Variants in BAG5 observed in about 807,000 individuals in gnomAD.
BAG5 encodes BAG family molecular chaperone regulator 5.
Under a neutral mutation model 31.8 loss-of-function variants are expected in BAG5, and 25 were observed. The ratio of observed to expected loss-of-function variants is 0.79; its 90% confidence interval spans 0.57 to 1.10. BAG5 has a LOEUF of 1.10. Among genes scored for constraint, BAG5 ranks in the 50% least tolerant of loss-of-function variants. The pLI, the probability that BAG5 is intolerant of heterozygous loss-of-function variation, is 0.00. For synonymous variants in BAG5, 208 were observed against 205.0 expected, an observed-to-expected ratio of 1.01 and a Z score of -0.13; for missense variants, 491 against 527.9, an observed-to-expected ratio of 0.93 and a Z score of 0.68.
At chr14:103,561,913 C>T (rs530834640) in intron 1 of BAG5, 6 of 1,603,910 alleles carry the variant, frequency 3.7e-6, no homozygotes, top group Admixed American at 1.7e-5. Flanking sequence ...ATTCACTCGC[C>T]TCCCACTGGG....
At position 103,556,574 on chromosome 14, in the gene BAG5, GTT is replaced by G. The variant is rs2076040361; in HGVS notation, c.*3245_*3246del. 6.6e-6 allele frequency: 1 copy of G among 152,040 alleles called. No individual in the cohort carries two copies. The highest frequency in any genetic ancestry group is 2.4e-5 in the African/African-American group (1 of 41,404). The allele number at this position is 152,040 out of a possible 1,614,324, so 9.4% of individuals were successfully genotyped here. ...TCTCCACTGCAAGCGTAAGAGACTG[GTT>G]TTATTTCAAGAATAACTAAGGGTAT... On this transcript the variant is annotated 3_prime_UTR_variant, in exon 2 of 2. Coordinates refer to ENST00000299204, the MANE Select transcript of BAG5 (RefSeq NM_001015048.3).
chr14:103,558,671 G>A lies in BAG5; in HGVS notation c.*1150C>T, dbSNP rs1414310202. ...ATGACATGAGCTCAGTTGTTCAGCA[G>A]GCACCCAGAGGAAGCCTTTAATTCC... On this transcript the variant is annotated 3_prime_UTR_variant, in exon 2 of 2. Transcript: ENST00000299204. The A allele has an allele frequency of 6.6e-6, 1 of 152,222 alleles. No individual in the cohort carries two copies. Among genetic ancestry groups the A allele is most frequent in the Non-Finnish European group, 1.5e-5 (1 of 68,052 alleles). 9.4% of individuals were successfully genotyped at this position (152,222 alleles called of 1,614,324 possible).
Position 103,558,563 on chromosome 14 carries a change from T to C in BAG5, c.*1258A>G, listed in dbSNP as rs940329394. The C allele has an allele frequency of 6.6e-6, 1 of 152,232 alleles. No homozygotes were observed. The highest frequency in any genetic ancestry group is 6.5e-5 in the Admixed American group (1 of 15,276). 9.4% of individuals were successfully genotyped at this position (152,232 alleles called of 1,614,324 possible). ...GATCCTCAGAAAGCATTTATGGAAA[T>C]ACACATCCTTTAGAAGAGAGATGCT... On this transcript the variant is annotated 3_prime_UTR_variant, in exon 2 of 2. Transcript: ENST00000299204.
In BAG5 at chr14:103,559,702, C is replaced by T. The variant is rs567721916; in HGVS notation, c.*119G>A. The stretch of plus-strand genomic sequence containing the variant: ...AGCAGCAGATACTGAATAGAATTTG[C>T]TTCAATCATAAATACTGAGACTGAA... On this transcript the variant is annotated 3_prime_UTR_variant, in exon 2 of 2. Transcript: ENST00000299204. 82 of 1,263,338 alleles carry T rather than the reference C, an allele frequency of 6.5e-5. No homozygotes were observed. The highest frequency in any genetic ancestry group is 8.9e-5 in the Non-Finnish European group (82 of 922,152). The allele number at this position is 1,263,338 out of a possible 1,614,324, so 78.3% of individuals were successfully genotyped here.
At chr14:103,561,658 C>T (rs34896432) in intron 1 of BAG5, 118,545 of 481,540 alleles carry the variant, frequency 0.25, 15,965 homozygotes, top group East Asian at 0.3. Context: ...CCAAGGTCCC[C>T]GCTTCTTCGT....
chr14:103,562,505 A>C, intron 1 of BAG5, 111 bp downstream of exon 1: 1 of 163,016 alleles, frequency 6.1e-6, no homozygotes, highest in Non-Finnish European at 1.3e-5. Context: ...GACAGGCCGC[A>C]CGGGGCTGGG....
chr14:103,558,699 G>A lies in BAG5; in HGVS notation c.*1122C>T, dbSNP rs998799511. 6.6e-6 allele frequency: 1 copy of A among 152,230 alleles called. No homozygotes were observed. The highest frequency in any genetic ancestry group is 1.5e-5 in the Non-Finnish European group (1 of 68,058). The allele number at this position is 152,230 out of a possible 1,614,324, so 9.4% of individuals were successfully genotyped here. ...ACCCAGAGGAAGCCTTTAATTCCGA[G>A]CAGGTTTCACTGATTGGTCCTGGAG... is the stretch of plus-strand genomic sequence containing the variant. On this transcript the variant is annotated 3_prime_UTR_variant, in exon 2 of 2. Transcript: ENST00000299204.
chr14:103,561,001 G>A lies in BAG5; in HGVS notation c.164C>T (p.Ser55Phe). Residue 55 changes from serine to phenylalanine, a missense_variant, in exon 2 of 2, where the codon TCT (serine) becomes TTT (phenylalanine). Transcript: ENST00000299204. ...ATCTCCTTTTCCTTCAGTATCTACAGAGTCTATTTCAAAAAGCTGTTTTGT... is the reference window on the plus strand; with the variant it reads ...ATCTCCTTTTCCTTCAGTATCTACAAAGTCTATTTCAAAAAGCTGTTTTGT... ...ILTKQLFEID[S>F]VDTEGKGDIQ... 6.2e-7 allele frequency: 1 copy of A among 1,613,890 alleles called. No individual in the cohort carries two copies. Among genetic ancestry groups the A allele is most frequent in the Non-Finnish European group, 8.5e-7 (1 of 1,179,826 alleles).
chr14:103,559,901 C>G lies in BAG5; in HGVS notation c.1264G>C (p.Ala422Pro). ...VDPQGEEKCK[A>P]ARKQAVRLAQ... The stretch of plus-strand genomic sequence containing the variant: ...AGCCTCACAGCTTGTTTCCTGGCAG[C>G]CTTACACTTCTCTTCTCCCTGCGGA... The change falls in exon 2 of 2, where the codon GCT becomes CCT. Residue 422 changes from alanine (A) to proline (P), a missense_variant. Coordinates refer to ENST00000299204, the MANE Select transcript of BAG5 (RefSeq NM_001015048.3). 7.4e-6 allele frequency: 12 copies of G among 1,614,240 alleles called. No homozygotes were observed. Among genetic ancestry groups the G allele is most frequent in the Middle Eastern group, 1.6e-4 (1 of 6,062 alleles).
chr14:103,562,492 T>TC (rs1190965261), intron 1 of BAG5, 124 bp downstream of exon 1: 1 of 165,188 alleles, frequency 6.1e-6, no homozygotes, highest in African/African-American at 2.4e-5. Flanking sequence ...CCCTGCCTGA[T>TC]CCGACAGGCC....
rs2076045261 is a variant in BAG5 at position 103,557,463 on chromosome 14, C to G, written c.*2358G>C. On this transcript the variant is annotated 3_prime_UTR_variant, in exon 2 of 2. Transcript: ENST00000299204. ...ACAATTCAAAATGACGGTGGAAGAGCTGAGCACCCTGTACTCACACACGAT... is the reference window on the plus strand; with the variant it reads ...ACAATTCAAAATGACGGTGGAAGAGGTGAGCACCCTGTACTCACACACGAT... 6.6e-6 allele frequency: 1 copy of G among 152,174 alleles called. No homozygotes were observed. The highest frequency in any genetic ancestry group is 2.4e-5 in the African/African-American group (1 of 41,428). The allele number at this position is 152,174 out of a possible 1,614,324, so 9.4% of individuals were successfully genotyped here.
In BAG5 at chr14:103,560,176, T is replaced by C. The variant is rs1476481990; in HGVS notation, c.989A>G (p.Glu330Gly). Residue 330 changes from glutamate to glycine, a missense_variant, in exon 2 of 2, where the codon GAA becomes GGA. Coordinates refer to ENST00000299204, the MANE Select transcript of BAG5 (RefSeq NM_001015048.3). ...VSLEKNPCIREARRRAVIEVQ... is the reference protein window; with the variant it reads ...VSLEKNPCIRGARRRAVIEVQ... ...CTCGATCACTGCTCTTCTCCTGGCT[T>C]CCCGGATGCAGGGGTTTTTTTCAAG... is the stretch of plus-strand genomic sequence containing the variant. 5 of 1,614,044 alleles carry C rather than the reference T, an allele frequency of 3.1e-6. No homozygotes were observed. The highest frequency in any genetic ancestry group is 4.2e-6 in the Non-Finnish European group (5 of 1,180,032).
At position 103,560,246 on chromosome 14, in the gene BAG5, T is replaced by A; in HGVS notation, c.919A>T (p.Lys307Ter). ...CCAATTAAACCCTGCAATTCTGTTT[T>A]GGAGCTCAGGTACAATTCAGAAGGG... ...QNPSELYLSS[K>*]TELQGLIGQL... The change falls in exon 2 of 2, where the codon AAA becomes TAA. Residue 307 changes from lysine (K) to a stop codon, truncating the protein, a stop_gained. Transcript: ENST00000299204. LOFTEE classifies it high-confidence loss of function. 1 of 1,614,224 alleles carries A rather than the reference T, an allele frequency of 6.2e-7. No homozygotes were observed. Among genetic ancestry groups the A allele is most frequent in the Non-Finnish European group, 8.5e-7 (1 of 1,180,040 alleles).
rs1187451112 is a variant in BAG5 at position 103,559,167 on chromosome 14, G to A, written c.*654C>T. ...TTTAATGCAATCTCAAAGGTTTTTTGGCTATTAGTTTTCATAATTTTCTTA... is the reference window on the plus strand; with the variant it reads ...TTTAATGCAATCTCAAAGGTTTTTTAGCTATTAGTTTTCATAATTTTCTTA... On this transcript the variant is annotated 3_prime_UTR_variant, in exon 2 of 2. Coordinates refer to ENST00000299204, the MANE Select transcript of BAG5 (RefSeq NM_001015048.3). 6.6e-6 allele frequency: 1 copy of A among 151,922 alleles called. No individual in the cohort carries two copies. The highest frequency in any genetic ancestry group is 6.6e-5 in the Admixed American group (1 of 15,234). The allele number at this position is 151,922 out of a possible 1,614,324, so 9.4% of individuals were successfully genotyped here.
Position 103,560,368 on chromosome 14 carries a change from T to A in BAG5, c.797A>T (p.Lys266Ile). Residue 266 changes from lysine to isoleucine, a missense_variant, in exon 2 of 2, where the codon AAA becomes ATA. Physicochemically the swap from Lys to Ile is moderately radical, Grantham distance 102. Coordinates refer to ENST00000299204, the MANE Select transcript of BAG5 (RefSeq NM_001015048.3). ...LDLEEEADTT[K>I]AFDLRQNHSI... The stretch of plus-strand genomic sequence containing the variant: ...ATGATTCTGTCTCAGGTCAAATGCT[T>A]TAGTTGTGTCTGCTTCCTCTTCCAA... 2 of 1,614,180 alleles carry A rather than the reference T, an allele frequency of 1.2e-6. No homozygotes were observed. The highest frequency in any genetic ancestry group is 2.7e-5 in the African/African-American group (2 of 75,042).
At chr14:103,561,864 A>AT in intron 1 of BAG5, 1 of 1,471,292 alleles carries the variant, frequency 6.8e-7, no homozygotes. Flanking sequence ...TCTCTCAAAA[A>AT]AAAACAACCC....
rs972060145 is a variant in BAG5, at chr14:103,559,518, C to A, written c.*303G>T. The A allele has an allele frequency of 3.4e-6, 1 of 293,514 alleles. No homozygotes were observed. The highest frequency in any genetic ancestry group is 6.4e-6 in the Non-Finnish European group (1 of 155,414). 18.2% of individuals were successfully genotyped at this position (293,514 alleles called of 1,614,324 possible). A position where few individuals can be genotyped will look rare whatever the true frequency, so the allele number is the denominator to read the frequency against. On this transcript the variant is annotated 3_prime_UTR_variant, in exon 2 of 2. Coordinates refer to ENST00000299204, the MANE Select transcript of BAG5 (RefSeq NM_001015048.3). Reference sequence around the variant, plus strand: ...TGAAAGACCTGCATTTTAATGCTTGCACAACCCATTTAAAATCTACAAAAG... The same window carrying A: ...TGAAAGACCTGCATTTTAATGCTTGAACAACCCATTTAAAATCTACAAAAG...
At position 103,559,975 on chromosome 14, in the gene BAG5, C is replaced by T. The variant is rs753087092; in HGVS notation, c.1190G>A (p.Arg397Gln). Residue 397 changes from arginine to glutamine, a missense_variant, in exon 2 of 2, where the codon CGG becomes CAG. Arg to Gln is a conservative substitution (Grantham distance 43). Coordinates refer to ENST00000299204, the MANE Select transcript of BAG5 (RefSeq NM_001015048.3). ...DGNRTDKNYI[R>Q]LEELLTKQLL... ...CTGCTTGGTGAGCAGCTCTTCCAGCCGGATGTAGTTCTTATCGGTTCGATT... is the reference window on the plus strand; with the variant it reads ...CTGCTTGGTGAGCAGCTCTTCCAGCTGGATGTAGTTCTTATCGGTTCGATT... The T allele has an allele frequency of 1.2e-6, 2 of 1,614,084 alleles. No homozygotes were observed. The highest frequency in any genetic ancestry group is 1.7e-5 in the Admixed American group (1 of 60,006).
At position 103,556,778 on chromosome 14, in the gene BAG5, A is replaced by C. The variant is rs2142256810; in HGVS notation, c.*3043T>G. 2 of 152,214 alleles carry C rather than the reference A, an allele frequency of 1.3e-5. No homozygotes were observed. Among genetic ancestry groups the C allele is most frequent in the African/African-American group, 4.8e-5 (2 of 41,506 alleles). The allele number at this position is 152,214 out of a possible 1,614,324, so 9.4% of individuals were successfully genotyped here. A position where few individuals can be genotyped will look rare whatever the true frequency, so the allele number is the denominator to read the frequency against. On this transcript the variant is annotated 3_prime_UTR_variant, in exon 2 of 2. Transcript: ENST00000299204. Reference sequence around the variant, plus strand: ...AGAGAAAAATACCCAACAAATTAAAAGGTGAAAAGCTGTGCTCAAAAAAAA... The same window carrying C: ...AGAGAAAAATACCCAACAAATTAAACGGTGAAAAGCTGTGCTCAAAAAAAA...
Sources: allele counts gnomAD v4.1 joint callset, GRCh38; gene constraint gnomAD v4.1.1; transcripts MANE v1.5; gene names NCBI Gene and HGNC (gene_info 2026-07-23, HGNC 2026-07-21).